Variants in DHX9 observed in about 807,000 individuals in gnomAD.
DHX9 encodes DExH-box helicase 9.
In DHX9, 27 loss-of-function variants were observed where a neutral mutation model predicts 148.7. The ratio of observed to expected loss-of-function variants is 0.18; its 90% CI spans 0.13 to 0.25. The LOEUF is 0.25. DHX9 is among the 10% of genes least tolerant of loss of function. The pLI is 1.00. For synonymous variants in DHX9, 529 were observed against 516.6 expected (o/e 1.02, Z -0.33); for missense variants, 796 against 1,559.6 (o/e 0.51, Z 8.25).
chr1:182,859,644 G>C (rs550549720), intron 11 of DHX9, among the ~76,000 whole-genome samples: 1 of 152,012 alleles, frequency 6.6e-6, no homozygotes, highest in East Asian at 1.9e-4. Flanking sequence ...ACAAAGTCTC[G>C]CTTAGTTGCC....
intron 4 of DHX9, 112 bp from the exon 5 acceptor site, chr1:182,853,194 G>A: frequency 1.4e-6 from 1 of 734,382 alleles, no homozygotes; most frequent in South Asian, 1.8e-5. Flanking sequence ...GGAAGTGCTG[G>A]GATTACAGAT....
At chr1:182,869,523 G>A (rs1052644543) in intron 14 of DHX9, among the ~76,000 whole-genome samples, 1 of 150,074 alleles carries the variant, frequency 6.7e-6, no homozygotes, top group Non-Finnish European at 1.5e-5. Context: ...GGTCTTGTCT[G>A]GTTTGGTCCA....
At chr1:182,877,924 TTAAC>T (rs1284986468) in intron 19 of DHX9, 93 bp from the exon 20 acceptor site, 57 of 1,375,726 alleles carry the variant, frequency 4.1e-5, no homozygotes, top group African/African-American at 7.2e-5. Flanking sequence ...AGGTATGGCT[TTAAC>T]TACATAGTGG....
At chr1:182,862,414 T>C (rs1392881774) in intron 12 of DHX9, among the ~76,000 whole-genome samples, 1 of 152,172 alleles carries the variant, frequency 6.6e-6, no homozygotes, top group Non-Finnish European at 1.5e-5. Flanking sequence ...AAATTTTAAG[T>C]AGGAAATAGT....
chr1:182,887,243 G>A lies in DHX9; in HGVS notation c.3622G>A (p.Ala1208Thr). ...GYGGSANSFR[A>T]GYGAGVGGGY... ...TGGTGGCAGCGCCAACTCCTTTCGG[G>A]CAGGATATGGTGCAGGTGTTGGTGG... The change falls in exon 28 of 28, where the codon GCA (alanine) becomes ACA (threonine). Residue 1208 changes from alanine (A) to threonine (T), a missense_variant. Ala to Thr is a moderately conservative substitution (Grantham distance 58). Around this residue, in one of 14 missense-constraint regions of DHX9, gnomAD observed 98 missense variants for 105.5 expected, o/e 0.93. Coordinates refer to ENST00000367549, the MANE Select transcript of DHX9 (RefSeq NM_001357.5). 6.2e-7 allele frequency: 1 copy of A among 1,614,180 alleles called. No homozygotes were observed. Among genetic ancestry groups the A allele is most frequent in the South Asian group, 1.1e-5 (1 of 91,086 alleles).
chr1:182,886,783 A>T (rs1649350692), intron 27 of DHX9, among the ~76,000 whole-genome samples: 1 of 152,224 alleles, frequency 6.6e-6, no homozygotes, highest in Non-Finnish European at 1.5e-5. Context: ...CCCTCTCCTA[A>T]TGCTTGCCTT....
In DHX9 at chr1:182,877,732, A is replaced by G. The variant is rs569154915; in HGVS notation, c.2199-289A>G. ...CCATTTAAATGCTTTGCATTTGTTA[A>G]TTTATTTAATGTTTACCAAAAAAAC... On this transcript the variant is annotated intron_variant, in intron 19 of 27. Transcript: ENST00000367549. The G allele has an allele frequency of 2.4e-5, 7 of 297,448 alleles. 1 individual carries two copies. In the South Asian group the frequency reaches 3.5e-4, roughly 15 times the overall value. 18.4% of individuals were successfully genotyped at this position (297,448 alleles called of 1,614,324 possible).
chr1:182,858,530 T>C, intron 8 of DHX9, 21 bp from the exon 9 acceptor site: 2 of 1,585,456 alleles, frequency 1.3e-6, no homozygotes, highest in Non-Finnish European at 1.7e-6. Context: ...GTGTTGTTAA[T>C]GTGTGATCCT....
chr1:182,876,100 G>A lies in DHX9; in HGVS notation c.1866G>A (p.Leu622=), dbSNP rs1648751531. Residue 622 remains leucine, a synonymous_variant, in exon 17 of 28, where the codon TTG becomes TTA. Coordinates refer to ENST00000367549, the MANE Select transcript of DHX9 (RefSeq NM_001357.5). ...CGDEYGPETR[L]SMSQLNEKET... ...ATGAATATGGTCCAGAAACAAGGTT[G>A]AGCATGTCTCAATTGAACGAAAAGG... 1 of 1,613,786 alleles carries A rather than the reference G, an allele frequency of 6.2e-7. No homozygotes were observed. Among genetic ancestry groups the A allele is most frequent in the Non-Finnish European group, 8.5e-7 (1 of 1,179,860 alleles).
chr1:182,874,515 G>A (rs1189088075), intron 15 of DHX9, among the ~76,000 whole-genome samples: 15 of 152,226 alleles, frequency 9.9e-5, no homozygotes. Context: ...AGGATGGACT[G>A]TGGTATATTG....
At chr1:182,846,852 A>G (rs984194246) in intron 3 of DHX9, among the ~76,000 whole-genome samples, 18 of 150,696 alleles carry the variant, frequency 1.2e-4, no homozygotes, top group Admixed American at 9.2e-4. Flanking sequence ...CTTGGTGTTT[A>G]TATTTATAAA....
In DHX9 at chr1:182,883,162, A is replaced by G. The variant is rs753676426; in HGVS notation, c.2938A>G (p.Thr980Ala). 6.8e-6 allele frequency: 11 copies of G among 1,613,438 alleles called. No individual in the cohort carries two copies. Among genetic ancestry groups the G allele is most frequent in the Non-Finnish European group, 7.6e-6 (9 of 1,179,468 alleles). Residue 980 changes from threonine to alanine, a missense_variant, in exon 25 of 28, where the codon ACT (threonine) becomes GCT (alanine). Physicochemically the swap from Thr to Ala is moderately conservative, Grantham distance 58 (BLOSUM62 0). Transcript: ENST00000367549. ...AGATTGTTTGTTGACACAAGTGTTT[A>G]CTAACACTGGACCAGATAATAATTT... Reference protein sequence around the residue: ...PEDCLLTQVFTNTGPDNNLDV... With the variant: ...PEDCLLTQVFANTGPDNNLDV...
rs1461417525 is a variant in DHX9, at chr1:182,880,520, G to C, written c.2536G>C (p.Asp846His). Residue 846 changes from aspartate to histidine, a missense_variant, in exon 22 of 28, where the codon GAT becomes CAT. By Grantham distance (81) the Asp-to-His change is moderately conservative (BLOSUM62 -1). This residue lies in a region of DHX9 where 122 missense variants were observed against 289.3 expected (regional missense o/e 0.42). Coordinates refer to ENST00000367549, the MANE Select transcript of DHX9 (RefSeq NM_001357.5). ...LRELDALDAN[D>H]ELTPLGRILA... ...AGAGCTTGATGCATTAGATGCCAAT[G>C]ATGAGTTGACTCCTTTGGGACGAAT... 2 of 1,613,372 alleles carry C rather than the reference G, an allele frequency of 1.2e-6. No individual in the cohort carries two copies. The highest frequency in any genetic ancestry group is 1.1e-5 in the South Asian group (1 of 91,018).
rs1404047161 is a variant in DHX9 at position 182,874,939 on chromosome 1, T to C, written c.1800T>C (p.Gly600=). The change falls in exon 16 of 28, where the codon GGT becomes GGC. Residue 600 remains glycine, a synonymous_variant. Coordinates refer to ENST00000367549, the MANE Select transcript of DHX9 (RefSeq NM_001357.5). The part of the protein sequence containing the change: ...DKKKKDKDDD[G]GEDDDANCNL... ...AGAAGAAGGATAAGGATGATGATGGTGGTGAGGATGATGATGTAAGTGAAT... is the reference window on the plus strand; with the variant it reads ...AGAAGAAGGATAAGGATGATGATGGCGGTGAGGATGATGATGTAAGTGAAT... The C allele has an allele frequency of 1.2e-6, 2 of 1,612,482 alleles. No homozygotes were observed. Among genetic ancestry groups the C allele is most frequent in the Non-Finnish European group, 1.7e-6 (2 of 1,178,688 alleles).
chr1:182,878,900 T>C (rs1648950481), intron 20 of DHX9, among the ~76,000 whole-genome samples: 1 of 152,262 alleles, frequency 6.6e-6, no homozygotes, highest in Non-Finnish European at 1.5e-5. Flanking sequence ...GTATGAGTTA[T>C]CATCCTACAA....
intron 24 of DHX9, 26 bp from the exon 25 acceptor site, chr1:182,883,108 ATTTTT>A: frequency 6.7e-7 from 1 of 1,483,124 alleles, no homozygotes; most frequent in Non-Finnish European, 9.4e-7. Flanking sequence ...CAGTTATCTG[ATTTTT>A]GTTTTCACTG....
At chr1:182,872,055 C>T (rs1648573726) in intron 14 of DHX9, among the ~76,000 whole-genome samples, 1 of 152,178 alleles carries the variant, frequency 6.6e-6, no homozygotes, top group South Asian at 2.1e-4. Context: ...ATCTGCCCGC[C>T]TTGACCTCCA....
chr1:182,851,532 G>A (rs1448142049), intron 3 of DHX9, among the ~76,000 whole-genome samples: 2 of 152,128 alleles, frequency 1.3e-5, no homozygotes, highest in Non-Finnish European at 2.9e-5. Context: ...TGCTGAATTA[G>A]AAAGTAAAAA....
intron 12 of DHX9, among the ~76,000 whole-genome samples, chr1:182,865,242 C>T (rs1044099749): frequency 6.6e-6 from 1 of 152,202 alleles, no homozygotes; most frequent in South Asian, 2.1e-4. Context: ...GTAGAATTCT[C>T]TTGATGGACA....
Sources: allele counts gnomAD v4.1 joint callset (sites outside exome capture counted in the v4.1 genomes callset), GRCh38; gene constraint gnomAD v4.1.1; regional missense constraint gnomAD v4.1.1; transcripts MANE v1.5; gene names NCBI Gene and HGNC (gene_info 2026-07-23, HGNC 2026-07-21).